Variants in STK32A observed in about 807,000 individuals in gnomAD.
STK32A encodes the protein serine/threonine kinase 32A, also known as serine/threonine-protein kinase 32A.
In STK32A, 41 loss-of-function variants were observed where a neutral mutation model predicts 53.2. The observed-to-expected ratio is 0.77, with a 90% CI of 0.60 to 1.00. The LOEUF is 1.00. STK32A is among the 50% of genes least tolerant of loss of function. The pLI is 0.00. For synonymous variants in STK32A, 166 were observed against 162.8 expected (o/e 1.02, Z -0.15); for missense variants, 458 against 485.8 (o/e 0.94, Z 0.54).
the STK32A span, chr5:147,395,751 C>A: frequency 6.2e-7 from 1 of 1,611,386 alleles, no homozygotes; most frequent in Non-Finnish European, 8.5e-7. Context: ...TGTCACCATT[C>A]ATTCATTCAG....
At chr5:147,328,400 T>C (rs1754705750) in intron 5 of STK32A, among the ~76,000 whole-genome samples, 1 of 152,252 alleles carries the variant, frequency 6.6e-6, no homozygotes, top group Non-Finnish European at 1.5e-5. Context: ...CTTGAACTTT[T>C]GGTAGTTTCC....
At chr5:147,298,679 T>C (rs1168337910) in intron 4 of STK32A, among the ~76,000 whole-genome samples, 2 of 152,206 alleles carry the variant, frequency 1.3e-5, no homozygotes, top group East Asian at 3.8e-4. Context: ...TACTTATTTT[T>C]CAAGAGAAAC....
At chr5:147,240,526 C>T (rs1367685538) in intron 2 of STK32A, among the ~76,000 whole-genome samples, 1 of 152,276 alleles carries the variant, frequency 6.6e-6, no homozygotes, top group South Asian at 2.1e-4. Flanking sequence ...TTGCTAGGCC[C>T]AAGCAGCTTA....
intron 8 of STK32A, among the ~76,000 whole-genome samples, chr5:147,364,822 A>G (rs1308382078): frequency 6.6e-6 from 1 of 152,120 alleles, no homozygotes; most frequent in Non-Finnish European, 1.5e-5. Context: ...ATCTCCAAAT[A>G]CCATCATATT....
intron 5 of STK32A, among the ~76,000 whole-genome samples, chr5:147,336,685 C>T (rs1054763849): frequency 6.6e-6 from 1 of 152,104 alleles, no homozygotes; most frequent in Admixed American, 6.6e-5. Flanking sequence ...AATCATCTAA[C>T]CCTGACAGCC....
intron 11 of STK32A, among the ~76,000 whole-genome samples, chr5:147,381,682 A>G (rs938119617): frequency 1.3e-5 from 2 of 151,778 alleles, no homozygotes; most frequent in African/African-American, 2.4e-5. Flanking sequence ...TTATGTGTCA[A>G]TGTGGGTCTT....
chr5:147,277,514 G>A (rs1751817994), intron 2 of STK32A, among the ~76,000 whole-genome samples: 1 of 152,166 alleles, frequency 6.6e-6, no homozygotes, highest in African/African-American at 2.4e-5. Context: ...TTACAAGTCT[G>A]CACTTTGGAG....
intron 4 of STK32A, among the ~76,000 whole-genome samples, chr5:147,291,043 C>A (rs905067119): frequency 5.9e-5 from 9 of 152,158 alleles, no homozygotes; most frequent in African/African-American, 1.7e-4. Flanking sequence ...TAGTCAGGAA[C>A]AAAATGGCTT....
intron 5 of STK32A, among the ~76,000 whole-genome samples, chr5:147,327,012 C>A (rs2151979521): frequency 6.6e-6 from 1 of 152,220 alleles, no homozygotes; most frequent in South Asian, 2.1e-4. Context: ...AGTCACCATG[C>A]CCAGCTTCAA....
At chr5:147,253,153 G>T (rs1420705133) in intron 2 of STK32A, among the ~76,000 whole-genome samples, 1 of 152,080 alleles carries the variant, frequency 6.6e-6, no homozygotes, top group Non-Finnish European at 1.5e-5. Context: ...TGAAAATACA[G>T]TTGAGTTCTC....
At chr5:147,238,974 G>A (rs958552551) in intron 1 of STK32A, among the ~76,000 whole-genome samples, 1 of 152,096 alleles carries the variant, frequency 6.6e-6, no homozygotes, top group African/African-American at 2.4e-5. Context: ...TGAGTTAAAT[G>A]TATGTCTGTC....
In STK32A at chr5:147,278,164, A is replaced by T; in HGVS notation, c.93A>T (p.Lys31Asn). 1 of 1,600,696 alleles carries T rather than the reference A, an allele frequency of 6.2e-7. No homozygotes were observed. Among genetic ancestry groups the T allele is most frequent in the Non-Finnish European group, 8.5e-7 (1 of 1,172,992 alleles). ...TTGAAATTTTGCGAGCCATTGGGAA[A>T]GGCAGTTTTGGGAAGGTGAGAACAA... ...DHFEILRAIG[K>N]GSFGKVCIVQ... Residue 31 changes from lysine to asparagine, a missense_variant, in exon 3 of 13, where the codon AAA (lysine) becomes AAT (asparagine). By Grantham distance (94) the Lys-to-Asn change is moderately conservative. Coordinates refer to ENST00000397936, the MANE Select transcript of STK32A (RefSeq NM_001112724.2).
intron 2 of STK32A, among the ~76,000 whole-genome samples, chr5:147,249,070 C>G (rs1753871080): frequency 6.6e-6 from 1 of 152,096 alleles, no homozygotes; most frequent in Non-Finnish European, 1.5e-5. Flanking sequence ...CAAAGCTTTT[C>G]TTAGTCTATG....
rs552772967 is a variant in STK32A, at chr5:147,318,186, T to C, written c.261-5712T>C. On this transcript the variant is annotated intron_variant, in intron 4 of 12. Coordinates refer to ENST00000397936, the MANE Select transcript of STK32A (RefSeq NM_001112724.2). ...ATACTGCATACTATAGTGTGAACTT[T>C]GTTCTTTTCCTTCGTCTTTACAACA... 1.7e-4 allele frequency among the ~76,000 whole-genome samples: 26 copies of C among 152,316 alleles called. No homozygotes were observed. The South Asian group carries it at 3.7e-3, about 22-fold the overall frequency.
At chr5:147,283,500 A>C (rs994224028) in intron 4 of STK32A, among the ~76,000 whole-genome samples, 1 of 152,018 alleles carries the variant, frequency 6.6e-6, no homozygotes, top group South Asian at 2.1e-4. Flanking sequence ...TAAATAAAAC[A>C]AAAAGATGGT....
intron 4 of STK32A, among the ~76,000 whole-genome samples, chr5:147,319,296 C>G (rs1267120189): frequency 1.3e-5 from 2 of 151,970 alleles, no homozygotes; most frequent in Non-Finnish European, 1.5e-5. Flanking sequence ...GTGCATGCCA[C>G]CACCCCCGGC....
At chr5:147,262,185 A>AAGAGGC (rs1754602472) in intron 2 of STK32A, among the ~76,000 whole-genome samples, 1 of 152,152 alleles carries the variant, frequency 6.6e-6, no homozygotes, top group Non-Finnish European at 1.5e-5. Context: ...CACAGCCAGG[A>AAGAGGC]AGAGGCAGAG....
At chr5:147,399,045 C>A in the STK32A span, 30 of 1,602,320 alleles carry the variant, frequency 1.9e-5, no homozygotes, top group South Asian at 3.4e-4. Flanking sequence ...TGCATGCATT[C>A]TCCATTCTAC....
At chr5:147,371,721 AG>A (rs751273527) in intron 9 of STK32A, among the ~76,000 whole-genome samples, 1 of 152,202 alleles carries the variant, frequency 6.6e-6, no homozygotes, top group Non-Finnish European at 1.5e-5. Context: ...CTTATTGAAG[AG>A]GGTCCAAGCT....
Sources: gnomAD v4.1 joint callset for allele counts (sites outside exome capture counted in the v4.1 genomes callset) on GRCh38, gnomAD v4.1.1 for gene constraint, MANE v1.5 for transcripts, NCBI Gene and HGNC (gene_info 2026-07-23, HGNC 2026-07-21) for gene names.